NAT1: variants seen among roughly 807,000 people sequenced by gnomAD.
NAT1 encodes N-acetyltransferase 1.
For synonymous variants in NAT1, 144 were observed against 122.6 expected, an observed-to-expected ratio of 1.17 and a Z score of -1.16; for missense variants, 400 against 339.2, an observed-to-expected ratio of 1.18 and a Z score of -1.41.
At chr8:18,183,314 G>T (rs1039054588) in intron 2 of NAT1, among the ~76,000 whole-genome samples, 3 of 152,146 alleles carry the variant, frequency 2.0e-5, no homozygotes, top group African/African-American at 7.2e-5. Context: ...ATCAGTTGGG[G>T]AAGGGGACAA....
At chr8:18,192,556 C>T (rs1043762908) in intron 2 of NAT1, among the ~76,000 whole-genome samples, 2 of 152,124 alleles carry the variant, frequency 1.3e-5, no homozygotes, top group Admixed American at 6.5e-5. Context: ...TTTATTGCGG[C>T]ACTATGCACA....
intron 2 of NAT1, among the ~76,000 whole-genome samples, chr8:18,185,795 T>C (rs1327539645): frequency 3.3e-5 from 5 of 152,188 alleles, no homozygotes; most frequent in Non-Finnish European, 2.9e-5. Context: ...TAAATGCATA[T>C]AAATTATTCC....
chr8:18,222,359 C>T lies in NAT1; in HGVS notation c.312C>T (p.Gly104=), dbSNP rs1805401279. Residue 104 remains glycine (G), a synonymous_variant, in exon 3 of 3, where the codon GGC becomes GGT. Transcript: ENST00000307719. ...CTCCAGCCAAAAAATACAGCACTGG[C>T]ATGATTCACCTTCTCCTGCAGGTGA... The part of the protein sequence containing the change: ...YSTPAKKYST[G]MIHLLLQVTI... The T allele has an allele frequency of 1.2e-6, 2 of 1,614,002 alleles. No individual in the cohort carries two copies. Among genetic ancestry groups the T allele is most frequent in the Non-Finnish European group, 1.7e-6 (2 of 1,180,014 alleles).
At chr8:18,207,903 G>A (rs1283559583), upstream of NAT1, among the ~76,000 whole-genome samples, 5 of 152,072 alleles carry the variant, frequency 3.3e-5, no homozygotes, top group African/African-American at 1.2e-4. Context: ...AAGAAACTGT[G>A]GTACATATAG....
chr8:18,174,239 G>T (rs1802205505), intron 2 of NAT1, among the ~76,000 whole-genome samples: 1 of 152,160 alleles, frequency 6.6e-6, no homozygotes, highest in Admixed American at 6.5e-5. Context: ...AGGCAAGGCT[G>T]TTCAGTGACT....
intron 1 of NAT1, chr8:18,216,786 G>A (rs1589118467): frequency 8.5e-6 from 6 of 704,286 alleles, no homozygotes; most frequent in Admixed American, 2.8e-5. Flanking sequence ...CAGATACTGG[G>A]TATGATGAGA....
intron 2 of NAT1, among the ~76,000 whole-genome samples, chr8:18,178,334 G>A (rs949127946): frequency 5.9e-5 from 9 of 152,102 alleles, no homozygotes; most frequent in Non-Finnish European, 1.3e-4. Context: ...TTAAGCTACT[G>A]AACATAAGTC....
chr8:18,206,971 C>T (rs1166081886), upstream of NAT1, among the ~76,000 whole-genome samples: 1 of 152,034 alleles, frequency 6.6e-6, no homozygotes, highest in African/African-American at 2.4e-5. Context: ...AATAGTGTTG[C>T]CTAGATTTTC....
rs764935585 is a variant in NAT1 at position 18,222,735 on chromosome 8, G to A, written c.688G>A (p.Gly230Arg). 6.2e-7 allele frequency: 1 copy of A among 1,613,930 alleles called. No homozygotes were observed. Among genetic ancestry groups the A allele is most frequent in the East Asian group, 2.2e-5 (1 of 44,878 alleles). ...KSFCSLQTPD[G>R]VHCLVGFTLT... ...ATTTTGTTCCTTGCAGACCCCAGATGGGGTTCACTGTTTGGTGGGCTTCAC... is the reference window on the plus strand; with the variant it reads ...ATTTTGTTCCTTGCAGACCCCAGATAGGGTTCACTGTTTGGTGGGCTTCAC... The change falls in exon 3 of 3, where the codon GGG (glycine) becomes AGG (arginine). Residue 230 changes from glycine (G) to arginine (R), a missense_variant. Transcript: ENST00000307719.
intron 2 of NAT1, among the ~76,000 whole-genome samples, chr8:18,177,673 A>G (rs1214067635): frequency 6.6e-6 from 1 of 152,152 alleles, no homozygotes; most frequent in African/African-American, 2.4e-5. Flanking sequence ...CCTAAAGCCA[A>G]ACAATAATGT....
chr8:18,198,834 T>G (rs749975274), intron 2 of NAT1, among the ~76,000 whole-genome samples: 2 of 152,200 alleles, frequency 1.3e-5, no homozygotes, highest in Admixed American at 1.3e-4. Flanking sequence ...TGATGGAAGC[T>G]CAGCTTGCAG....
At chr8:18,207,649 G>T (rs563460967), upstream of NAT1, among the ~76,000 whole-genome samples, 4 of 152,312 alleles carry the variant, frequency 2.6e-5, no homozygotes, top group East Asian at 1.9e-4. Flanking sequence ...AGATAGGAAT[G>T]CTTTTCCACT....
In NAT1 at chr8:18,171,645, A is replaced by G. The variant is rs114641077; in HGVS notation, n.92+906A>G. On this transcript the variant is annotated intron_variant and non_coding_transcript_variant, in intron 2 of 4. Transcript: ENST00000517441. ...CAAACAAAACAAAAAAACCTCCAAA[A>G]GAAAACAAAACAAAACAAAAAAAAC... Among the ~76,000 whole-genome samples, 665 of 152,126 alleles carry G rather than the reference A, an allele frequency of 4.4e-3. 6 individuals carry two copies. The highest frequency in any genetic ancestry group is 0.014 in the African/African-American group (601 of 41,554).
At chr8:18,206,000 T>C (rs1803701253), upstream of NAT1, among the ~76,000 whole-genome samples, 1 of 152,192 alleles carries the variant, frequency 6.6e-6, no homozygotes, top group South Asian at 2.1e-4. Context: ...CCTAGGGTGA[T>C]GGCCATCCCT....
intron 2 of NAT1, among the ~76,000 whole-genome samples, chr8:18,174,221 A>T (rs922404038): frequency 6.6e-6 from 1 of 152,178 alleles, no homozygotes; most frequent in Non-Finnish European, 1.5e-5. Context: ...GGTGAGGGAA[A>T]AGCTGTGAGG....
chr8:18,199,813 C>G (rs77193714), intron 2 of NAT1, among the ~76,000 whole-genome samples: 4,161 of 152,134 alleles, frequency 0.027, 174 homozygotes, highest in African/African-American at 0.094. Context: ...AAAGCATGAT[C>G]TGCAAGCAAA....
intron 1 of NAT1, among the ~76,000 whole-genome samples, chr8:18,210,720 G>A (rs1019950709): frequency 3.9e-5 from 6 of 152,158 alleles, no homozygotes; most frequent in African/African-American, 1.4e-4. Context: ...TAATGATCCT[G>A]GATGTCCAGG....
chr8:18,217,659 C>T (rs28741083), intron 1 of NAT1, among the ~76,000 whole-genome samples: 3,297 of 152,148 alleles, frequency 0.022, 34 homozygotes, highest in African/African-American at 0.033. Context: ...AAAAAGGCAC[C>T]GCAGAGATTC....
chr8:18,218,512 T>G (rs979257243), intron 1 of NAT1, among the ~76,000 whole-genome samples: 2 of 152,230 alleles, frequency 1.3e-5, no homozygotes, highest in African/African-American at 4.8e-5. Context: ...GTTAATTCTT[T>G]CATTACTCTG....
Sources: allele counts gnomAD v4.1 joint callset (sites outside exome capture counted in the v4.1 genomes callset), GRCh38; gene constraint gnomAD v4.1.1; transcripts MANE v1.5; gene names NCBI Gene and HGNC (gene_info 2026-07-23, HGNC 2026-07-21).